MLLT3: variants seen among roughly 807,000 people sequenced by gnomAD.
MLLT3 encodes the protein MLLT3 super elongation complex subunit, also known as protein AF-9.
A neutral mutation model predicts 53.2 loss-of-function variants in MLLT3; 4 were observed. That is an observed-to-expected ratio of 0.08 (90% confidence interval 0.04 to 0.17). MLLT3 has a LOEUF of 0.17. Ranked by LOEUF, MLLT3 falls within the 10% of genes least tolerant of loss-of-function variation. The probability of loss-of-function intolerance (pLI) is 1.00; values close to 1 mark genes in which losing one functional copy is unlikely to be tolerated. For missense variants in MLLT3, 569 were observed against 684.0 expected (o/e 0.83, Z 1.87); for synonymous variants, 283 against 230.6 (o/e 1.23, Z -2.06).
At chr9:20,412,383 A>T (rs758335740) in intron 5 of MLLT3, among the ~76,000 whole-genome samples, 3 of 152,212 alleles carry the variant, frequency 2.0e-5, no homozygotes, top group Non-Finnish European at 2.9e-5. Context: ...CAAATACTGG[A>T]ACAAATTTTC....
At chr9:20,388,551 GC>G (rs2118715148) in intron 5 of MLLT3, among the ~76,000 whole-genome samples, 1 of 152,264 alleles carries the variant, frequency 6.6e-6, no homozygotes, top group African/African-American at 2.4e-5. Flanking sequence ...TCGTGCCACT[GC>G]ACTATGGCCT....
At chr9:20,444,733 G>A (rs79627652) in intron 4 of MLLT3, among the ~76,000 whole-genome samples, 7 of 147,984 alleles carry the variant, frequency 4.7e-5, no homozygotes, top group Admixed American at 6.7e-5. Flanking sequence ...TTAGTCAGGT[G>A]TGGTAGTCTG....
At chr9:20,536,878 A>T (rs1818503604) in intron 2 of MLLT3, among the ~76,000 whole-genome samples, 2 of 151,866 alleles carry the variant, frequency 1.3e-5, no homozygotes, top group South Asian at 4.1e-4. Context: ...GCCAACAAGC[A>T]CATACTGTGC....
chr9:20,355,856 T>C (rs576832888), intron 8 of MLLT3, among the ~76,000 whole-genome samples: 13 of 152,338 alleles, frequency 8.5e-5, no homozygotes, highest in Non-Finnish European at 1.8e-4. Flanking sequence ...TACTGTTCTC[T>C]TTACCCATTC....
intron 4 of MLLT3, among the ~76,000 whole-genome samples, chr9:20,431,521 G>A (rs1219294885): frequency 6.6e-6 from 1 of 152,042 alleles, no homozygotes; most frequent in Non-Finnish European, 1.5e-5. Context: ...TGTAGTAAAG[G>A]TTAAGCATGG....
chr9:20,470,479 A>G (rs1002050336), intron 2 of MLLT3, among the ~76,000 whole-genome samples: 3 of 152,056 alleles, frequency 2.0e-5, no homozygotes, highest in Admixed American at 2.0e-4. Flanking sequence ...TGATGCTGAT[A>G]TCAGCTAATG....
chr9:20,581,356 T>A (rs1020928902), intron 2 of MLLT3, among the ~76,000 whole-genome samples: 1 of 152,196 alleles, frequency 6.6e-6, no homozygotes, highest in Non-Finnish European at 1.5e-5. Context: ...CCTTTAGAAA[T>A]TTAATTTACA....
chr9:20,509,307 AC>A (rs1215455381), intron 2 of MLLT3, among the ~76,000 whole-genome samples: 2 of 152,126 alleles, frequency 1.3e-5, no homozygotes, highest in African/African-American at 4.8e-5. Context: ...TGGACAGTAT[AC>A]TCATTAAAAT....
chr9:20,408,018 G>A (rs1296334514), intron 5 of MLLT3, among the ~76,000 whole-genome samples: 1 of 152,276 alleles, frequency 6.6e-6, no homozygotes, highest in Admixed American at 6.5e-5. Flanking sequence ...ATAATGCATT[G>A]AATAGGTGAT....
intron 4 of MLLT3, among the ~76,000 whole-genome samples, chr9:20,417,248 T>C (rs1822894290): frequency 6.8e-6 from 1 of 147,844 alleles, no homozygotes; most frequent in African/African-American, 2.5e-5. Context: ...TTTGTACATG[T>C]AATAAATGTA....
chr9:20,604,186 C>A (rs1416385354), intron 2 of MLLT3, among the ~76,000 whole-genome samples: 1 of 152,010 alleles, frequency 6.6e-6, no homozygotes, highest in Non-Finnish European at 1.5e-5. Flanking sequence ...AAGGACCCAA[C>A]ATTGTTGAAA....
Position 20,622,304 on chromosome 9 carries a change from T to A in MLLT3, c.-48A>T, listed in dbSNP as rs749238417. On this transcript the variant is annotated 5_prime_UTR_variant, in exon 1 of 11. Coordinates refer to ENST00000380338, the MANE Select transcript of MLLT3 (RefSeq NM_004529.4). ...TGGGGTGTTGTGTGGTACCCCCCCCTCCTCCGCCCCCCCTCAGCTGTAATT... is the reference window on the plus strand; with the variant it reads ...TGGGGTGTTGTGTGGTACCCCCCCCACCTCCGCCCCCCCTCAGCTGTAATT... 6.9e-7 allele frequency: 1 copy of A among 1,441,550 alleles called. No homozygotes were observed. Among genetic ancestry groups the A allele is most frequent in the Non-Finnish European group, 9.4e-7 (1 of 1,064,102 alleles). 89.3% of individuals were successfully genotyped at this position (1,441,550 alleles called of 1,614,324 possible).
At chr9:20,460,998 T>C (rs1186701271) in intron 2 of MLLT3, among the ~76,000 whole-genome samples, 1 of 152,154 alleles carries the variant, frequency 6.6e-6, no homozygotes, top group Non-Finnish European at 1.5e-5. Flanking sequence ...GAAACTAATA[T>C]TCAACAGCCG....
chr9:20,525,198 CAGAA>C (rs1215730757), intron 2 of MLLT3, among the ~76,000 whole-genome samples: 1 of 147,518 alleles, frequency 6.8e-6, no homozygotes, highest in African/African-American at 2.5e-5. Flanking sequence ...GTTCTACAAA[CAGAA>C]AGACAAATTC....
At chr9:20,587,788 G>A (rs1353661953) in intron 2 of MLLT3, among the ~76,000 whole-genome samples, 1 of 151,912 alleles carries the variant, frequency 6.6e-6, no homozygotes, top group East Asian at 1.9e-4. Flanking sequence ...CCATTTTGTA[G>A]GTTGCCTGTT....
chr9:20,426,630 C>T (rs548636912), intron 4 of MLLT3, among the ~76,000 whole-genome samples: 3 of 152,012 alleles, frequency 2.0e-5, no homozygotes, highest in Non-Finnish European at 2.9e-5. Flanking sequence ...CTCCAGCATA[C>T]GCAAAGGAAT....
chr9:20,579,065 G>C (rs1028933089), intron 2 of MLLT3, among the ~76,000 whole-genome samples: 1 of 152,140 alleles, frequency 6.6e-6, no homozygotes, highest in Non-Finnish European at 1.5e-5. Flanking sequence ...GAAGGGTTAA[G>C]AACAGGATAA....
chr9:20,428,494 AT>A (rs569082738), intron 4 of MLLT3, among the ~76,000 whole-genome samples: 87 of 152,172 alleles, frequency 5.7e-4, no homozygotes, highest in African/African-American at 1.9e-3. Context: ...TAAAATAAAA[AT>A]TTTCAACTTC....
chr9:20,446,187 G>C (rs1823694517), intron 4 of MLLT3, among the ~76,000 whole-genome samples: 1 of 152,086 alleles, frequency 6.6e-6, no homozygotes, highest in Non-Finnish European at 1.5e-5. Flanking sequence ...AGTCCCTTAA[G>C]TAACTTGTAA....
Sources: gnomAD v4.1 joint callset for allele counts (sites outside exome capture counted in the v4.1 genomes callset) on GRCh38, gnomAD v4.1.1 for gene constraint, MANE v1.5 for transcripts, NCBI Gene and HGNC (gene_info 2026-07-23, HGNC 2026-07-21) for gene names.